Variants in CPNE2 observed in about 807,000 individuals in gnomAD.
The protein encoded by CPNE2 is copine 2.
Under a neutral mutation model 69.7 loss-of-function variants are expected in CPNE2, and 42 were observed. The ratio of observed to expected loss-of-function variants is 0.60; its 90% CI spans 0.47 to 0.78. CPNE2 has a LOEUF of 0.78. CPNE2 is among the 30% of genes least tolerant of loss of function. The pLI is 0.00. For missense variants in CPNE2, 587 were observed against 732.0 expected, an observed-to-expected ratio of 0.80 and a Z score of 2.29; for synonymous variants, 294 against 289.8, an observed-to-expected ratio of 1.01 and a Z score of -0.15.
rs750688997 is a variant in CPNE2 at position 57,115,505 on chromosome 16, T to TCTG, written c.400_402dup (p.Leu134dup). 2 of 1,612,892 alleles carry TCTG rather than the reference T, an allele frequency of 1.2e-6. No individual in the cohort carries two copies. The highest frequency in any genetic ancestry group is 1.1e-5 in the South Asian group (1 of 90,904). ...TCTCCAGCAAGAAGATCACTAGGCC[T>TCTG]CTGCTGCTGCTGAATGACAAGCCTG... On this transcript the variant is annotated inframe_insertion, in exon 4 of 16. Coordinates refer to ENST00000290776, the MANE Select transcript of CPNE2 (RefSeq NM_152727.6).
intron 12 of CPNE2, among the ~76,000 whole-genome samples, chr16:57,129,767 C>T (rs1392389073): frequency 5.9e-5 from 9 of 152,096 alleles, no homozygotes; most frequent in South Asian, 2.1e-4. Flanking sequence ...TGCAGTGAGC[C>T]GAGATCGTGC....
At position 57,125,928 on chromosome 16, in the gene CPNE2, T is replaced by C; in HGVS notation, c.996T>C (p.Pro332=). The C allele has an allele frequency of 3.1e-6, 5 of 1,614,138 alleles. No individual in the cohort carries two copies. Among genetic ancestry groups the C allele is most frequent in the Non-Finnish European group, 4.2e-6 (5 of 1,179,996 alleles). Residue 332 remains proline, a synonymous_variant, in exon 11 of 16, where the codon CCT becomes CCC. Coordinates refer to ENST00000290776, the MANE Select transcript of CPNE2 (RefSeq NM_152727.6). ...CTTCCTCTTTGCACTATATCAACCC[T>C]ATGGGCACCAACGAATATCTGTCGG... ...LDPSSLHYIN[P]MGTNEYLSAI...
At chr16:57,124,583 AACTGCC>A (rs1419119153) in intron 10 of CPNE2, 1 of 335,418 alleles carries the variant, frequency 3.0e-6, no homozygotes, top group Non-Finnish European at 6.0e-6. Context: ...TGGAAGAATG[AACTGCC>A]ACCTTGCCTG....
chr16:57,099,031 C>G (rs2069596257), intron 1 of CPNE2, among the ~76,000 whole-genome samples: 1 of 152,168 alleles, frequency 6.6e-6, no homozygotes, highest in African/African-American at 2.4e-5. Context: ...TGTTCACAAA[C>G]CAACATATCT....
At chr16:57,108,639 G>A (rs1475078912) in intron 1 of CPNE2, among the ~76,000 whole-genome samples, 1 of 152,194 alleles carries the variant, frequency 6.6e-6, no homozygotes, top group African/African-American at 2.4e-5. Flanking sequence ...ATGGGCAGAT[G>A]GGAAACTGAG....
At position 57,146,249 on chromosome 16, in the gene CPNE2, G is replaced by A. The variant is rs199503191; in HGVS notation, c.1467G>A (p.Met489Ile). 5.8e-6 allele frequency: 9 copies of A among 1,558,982 alleles called. No individual in the cohort carries two copies. Among genetic ancestry groups the A allele is most frequent in the East Asian group, 2.4e-5 (1 of 41,540 alleles). ...AMEFLDGDSRMLRSHTGEEAA... is the reference protein window; with the variant it reads ...AMEFLDGDSRILRSHTGEEAA... ...AGTTCCTGGATGGGGACAGCCGCAT[G>A]CTGCGCTCCCACACGGGGGAGGAGG... is the stretch of plus-strand genomic sequence containing the variant. The change falls in exon 15 of 16, where the codon ATG (methionine) becomes ATA (isoleucine). Residue 489 changes from methionine to isoleucine, a missense_variant. Met to Ile is a conservative substitution (Grantham distance 10). Coordinates refer to ENST00000290776, the MANE Select transcript of CPNE2 (RefSeq NM_152727.6). The surrounding 1 kb of genome is among the most constrained non-coding windows in gnomAD (Gnocchi z 4.4).
chr16:57,123,238 A>G (rs1286408255), intron 9 of CPNE2, 176 bp from the exon 10 acceptor site: 6 of 658,442 alleles, frequency 9.1e-6, no homozygotes, highest in Non-Finnish European at 1.4e-5. Flanking sequence ...ATTAGGAACC[A>G]TTGCACTGAA....
chr16:57,100,826 G>A lies in CPNE2; in HGVS notation c.-36+8036G>A, dbSNP rs2069608641. ...CTTGCAGCTGACAGGGTGGGGGTGG[G>A]CTCTCTGAGCTCCCACACTTAAGAA... On this transcript the variant is annotated intron_variant, in intron 1 of 15. Coordinates refer to ENST00000290776, the MANE Select transcript of CPNE2 (RefSeq NM_152727.6). Among the ~76,000 whole-genome samples, 3 of 152,260 alleles carry A rather than the reference G, an allele frequency of 2.0e-5. No individual in the cohort carries two copies. The South Asian group carries it at 6.2e-4, about 32-fold the overall frequency.
At chr16:57,117,019 A>G (rs1335235136) in intron 4 of CPNE2, among the ~76,000 whole-genome samples, 1 of 152,124 alleles carries the variant, frequency 6.6e-6, no homozygotes, top group Non-Finnish European at 1.5e-5. Context: ...AGGACAGATG[A>G]CCAATGTGAA....
intron 2 of CPNE2, among the ~76,000 whole-genome samples, chr16:57,111,644 T>C (rs2145246777): frequency 6.6e-6 from 1 of 152,358 alleles, no homozygotes; most frequent in East Asian, 1.9e-4. Flanking sequence ...CTCCCTGCTG[T>C]GTGGCCTTAA....
At chr16:57,129,403 G>A (rs904065716) in intron 12 of CPNE2, among the ~76,000 whole-genome samples, 6 of 152,318 alleles carry the variant, frequency 3.9e-5, no homozygotes, top group South Asian at 2.1e-4. Context: ...AGTGTGGGCC[G>A]AAGAGGTCAC....
At chr16:57,129,382 G>A (rs2069822458) in intron 12 of CPNE2, among the ~76,000 whole-genome samples, 1 of 152,206 alleles carries the variant, frequency 6.6e-6, no homozygotes, top group African/African-American at 2.4e-5. Flanking sequence ...GACTTTCTGT[G>A]TGACCAAGTG....
At chr16:57,109,518 A>G (rs58787846) in intron 1 of CPNE2, among the ~76,000 whole-genome samples, 4,735 of 151,702 alleles carry the variant, frequency 0.031, 190 homozygotes, top group East Asian at 0.19. Flanking sequence ...AAGAATGGCT[A>G]CTCCATAGAC....
intron 12 of CPNE2, among the ~76,000 whole-genome samples, chr16:57,129,764 A>G (rs1164416698): frequency 6.6e-6 from 1 of 152,158 alleles, no homozygotes; most frequent in African/African-American, 2.4e-5. Flanking sequence ...GGTTGCAGTG[A>G]GCCGAGATCG....
chr16:57,115,725 A>C (rs1011478129), intron 4 of CPNE2, among the ~76,000 whole-genome samples, 175 bp downstream of exon 4: 3 of 152,226 alleles, frequency 2.0e-5, no homozygotes, highest in Admixed American at 6.5e-5. Flanking sequence ...CAAATGATGC[A>C]GTGGGGGCTG....
chr16:57,099,800 A>G (rs567760551), intron 1 of CPNE2, among the ~76,000 whole-genome samples: 8 of 112,122 alleles, frequency 7.1e-5, no homozygotes, highest in East Asian at 2.5e-4. Flanking sequence ...TTTTTTTGAG[A>G]CGGAGTTTTG....
At chr16:57,140,391 C>T (rs1328747424) in intron 14 of CPNE2, among the ~76,000 whole-genome samples, 4 of 151,844 alleles carry the variant, frequency 2.6e-5, no homozygotes, top group Non-Finnish European at 5.9e-5. Flanking sequence ...AGGCCTGTCT[C>T]AAACCCCTGT....
chr16:57,134,580 TG>T (rs1246495329), intron 12 of CPNE2, among the ~76,000 whole-genome samples, 194 bp from the exon 13 acceptor site: 8 of 151,770 alleles, frequency 5.3e-5, no homozygotes, highest in Non-Finnish European at 1.0e-4. Flanking sequence ...AGAGGGTGGT[TG>T]GGCCTCTCTG....
chr16:57,098,544 T>C (rs2069593075), intron 1 of CPNE2, among the ~76,000 whole-genome samples: 1 of 152,020 alleles, frequency 6.6e-6, no homozygotes, highest in South Asian at 2.1e-4. Context: ...GTGGCCAGGG[T>C]TCCTGTGTGG....
Sources: gnomAD v4.1 joint callset for allele counts (sites outside exome capture counted in the v4.1 genomes callset) on GRCh38, gnomAD v4.1.1 for gene constraint, Gnocchi (gnomAD v3.1) non-coding constraint, MANE v1.5 for transcripts, NCBI Gene and HGNC (gene_info 2026-07-23, HGNC 2026-07-21) for gene names.